LRBA: variants seen among roughly 807,000 people sequenced by gnomAD.
The protein encoded by LRBA is lipopolysaccharide-responsive and beige-like anchor protein.
Under a neutral mutation model 330.0 loss-of-function variants are expected in LRBA, and 176 were observed. The ratio of observed to expected loss-of-function variants is 0.53; its 90% CI spans 0.47 to 0.60. LRBA has a LOEUF of 0.60. Among genes scored for constraint, LRBA ranks in the 20% least tolerant of loss-of-function variants. The pLI, the probability that LRBA is intolerant of heterozygous loss-of-function variation, is 0.00. For missense variants in LRBA, 3,259 were observed against 3,444.8 expected (o/e 0.95, Z 1.35); for synonymous variants, 1,230 against 1,193.0 (o/e 1.03, Z -0.64).
At chr4:150,473,289 C>T (rs995303174) in intron 42 of LRBA, among the ~76,000 whole-genome samples, 13 of 152,092 alleles carry the variant, frequency 8.5e-5, no homozygotes, top group African/African-American at 1.2e-4. Context: ...ATTTATTGAG[C>T]TGTTTGCATT....
intron 40 of LRBA, among the ~76,000 whole-genome samples, chr4:150,578,645 T>A (rs1472947422): frequency 6.6e-6 from 1 of 152,190 alleles, no homozygotes; most frequent in Non-Finnish European, 1.5e-5. Context: ...AACTGGGAAA[T>A]TTTCAGACTA....
At chr4:150,737,683 A>T (rs1731394426) in intron 35 of LRBA, among the ~76,000 whole-genome samples, 1 of 152,104 alleles carries the variant, frequency 6.6e-6, no homozygotes, top group African/African-American at 2.4e-5. Flanking sequence ...CACCTAAATG[A>T]AGAAGCTCCC....
At chr4:150,606,373 A>C (rs963798781) in intron 37 of LRBA, among the ~76,000 whole-genome samples, 1 of 152,142 alleles carries the variant, frequency 6.6e-6, no homozygotes, top group Non-Finnish European at 1.5e-5. Flanking sequence ...CTCACTATTT[A>C]GACAAATCTA....
At chr4:150,524,776 C>T (rs1763285383) in intron 40 of LRBA, among the ~76,000 whole-genome samples, 1 of 151,940 alleles carries the variant, frequency 6.6e-6, no homozygotes, top group East Asian at 1.9e-4. Context: ...GCAATTAGTC[C>T]CACTGAAATT....
Position 150,871,434 on chromosome 4 carries a change from G to A in LRBA, c.2278C>T (p.Leu760Phe). 2 of 1,608,928 alleles carry A rather than the reference G, an allele frequency of 1.2e-6. No homozygotes were observed. Among genetic ancestry groups the A allele is most frequent in the Non-Finnish European group, 1.7e-6 (2 of 1,175,768 alleles). The change falls in exon 19 of 57, where the codon CTT (leucine) becomes TTT (phenylalanine). Residue 760 changes from leucine (L) to phenylalanine (F), a missense_variant. Coordinates refer to ENST00000651943, the MANE Select transcript of LRBA (RefSeq NM_001364905.1). The stretch of plus-strand genomic sequence containing the variant: ...AGCAATGAAAACAATCCATGTCCAA[G>A]CATGACTTCTGCTTTCCTCCTGCAA... ...LAPKRKAEVM[L>F]GHGLFSLLAE... is the part of the protein sequence containing the mutation.
intron 48 of LRBA, among the ~76,000 whole-genome samples, chr4:150,329,813 G>T (rs964964127): frequency 6.6e-6 from 1 of 152,084 alleles, no homozygotes. Flanking sequence ...TTAAAGCTCA[G>T]AATCTTGTCT....
At chr4:150,502,564 A>T (rs900801994) in intron 40 of LRBA, among the ~76,000 whole-genome samples, 3 of 152,190 alleles carry the variant, frequency 2.0e-5, no homozygotes, top group Non-Finnish European at 4.4e-5. Flanking sequence ...TTAGAAAAAG[A>T]CATCAAGGGG....
chr4:150,878,957 T>C (rs986597600), intron 17 of LRBA, among the ~76,000 whole-genome samples: 2 of 150,948 alleles, frequency 1.3e-5, no homozygotes, highest in East Asian at 1.9e-4. Context: ...GAAGAGGTGG[T>C]AGCAATCCTA....
intron 36 of LRBA, among the ~76,000 whole-genome samples, chr4:150,733,555 GTCTCTC>G (rs753439894): frequency 6.7e-6 from 1 of 148,240 alleles, no homozygotes; most frequent in Non-Finnish European, 1.5e-5. Context: ...GACTGATTCT[GTCTCTC>G]TCTCTCTCTC....
intron 2 of LRBA, among the ~76,000 whole-genome samples, chr4:150,930,759 A>AT (rs1454703337): frequency 6.6e-6 from 1 of 152,202 alleles, no homozygotes; most frequent in Non-Finnish European, 1.5e-5. Context: ...TGATAAAGAC[A>AT]TTTCATCTTT....
chr4:150,715,283 T>C (rs1402935491), intron 36 of LRBA, among the ~76,000 whole-genome samples: 4 of 152,212 alleles, frequency 2.6e-5, no homozygotes, highest in Non-Finnish European at 5.9e-5. Flanking sequence ...ACTGTCAAGG[T>C]TGCATTCTCA....
chr4:150,491,014 G>A lies in LRBA; in HGVS notation c.6352C>T (p.Leu2118=). 1 of 1,603,106 alleles carries A rather than the reference G, an allele frequency of 6.2e-7. No homozygotes were observed. The highest frequency in any genetic ancestry group is 8.5e-7 in the Non-Finnish European group (1 of 1,172,306). Residue 2118 remains leucine, a synonymous_variant, in exon 41 of 57, where the codon CTG becomes TTG. Transcript: ENST00000651943. The part of the protein sequence containing the change: ...DPKILAYTEG[L]HGKWLFTEIR... ...TCTGTGAACAGCCATTTTCCATGCA[G>A]CCCTTCTGTATATGCCAAGATCTAA...
intron 2 of LRBA, among the ~76,000 whole-genome samples, chr4:150,996,076 A>C (rs1450495677): frequency 6.6e-6 from 1 of 151,912 alleles, no homozygotes. Flanking sequence ...AACCAAAAAA[A>C]AAAAAAAAAA....
chr4:150,985,163 G>A (rs1414745265), intron 2 of LRBA, among the ~76,000 whole-genome samples: 2 of 151,290 alleles, frequency 1.3e-5, no homozygotes. Flanking sequence ...AGAAGCTGAG[G>A]CAGGAGAATC....
chr4:150,965,109 T>C (rs1055092141), intron 2 of LRBA, among the ~76,000 whole-genome samples: 2 of 152,138 alleles, frequency 1.3e-5, no homozygotes, highest in African/African-American at 4.8e-5. Context: ...ATAAAACCTT[T>C]GACCCAGCAA....
At chr4:150,483,534 A>G (rs910354213) in intron 42 of LRBA, among the ~76,000 whole-genome samples, 6 of 151,112 alleles carry the variant, frequency 4.0e-5, no homozygotes, top group South Asian at 2.1e-4. Context: ...GGGTCTCCCT[A>G]TGTTGCCCAG....
At chr4:150,350,677 T>C (rs1270005616) in intron 47 of LRBA, among the ~76,000 whole-genome samples, 1 of 152,118 alleles carries the variant, frequency 6.6e-6, no homozygotes, top group Admixed American at 6.6e-5. Flanking sequence ...TTAATTACAA[T>C]AAATGTGTAA....
intron 44 of LRBA, among the ~76,000 whole-genome samples, chr4:150,452,354 C>T (rs1753448507): frequency 6.6e-6 from 1 of 152,114 alleles, no homozygotes; most frequent in Non-Finnish European, 1.5e-5. Flanking sequence ...AGACTCTCAA[C>T]AAACTTCTTA....
chr4:150,452,626 G>GA (rs35235439), intron 44 of LRBA, among the ~76,000 whole-genome samples: 63,989 of 136,882 alleles, frequency 0.47, 14,224 homozygotes, highest in Middle Eastern at 0.54. Flanking sequence ...CATCTCAAAG[G>GA]AAAAAAAAAA....
Sources: gnomAD v4.1 joint callset for allele counts (sites outside exome capture counted in the v4.1 genomes callset) on GRCh38, gnomAD v4.1.1 for gene constraint, MANE v1.5 for transcripts, NCBI Gene and HGNC (gene_info 2026-07-23, HGNC 2026-07-21) for gene names.